Variants in FAM135A observed in about 807,000 individuals in gnomAD.
FAM135A encodes family with sequence similarity 135 member A, also known as protein FAM135A.
In FAM135A, 79 loss-of-function variants were observed where a neutral mutation model predicts 146.8. That is an observed-to-expected ratio of 0.54 (90% CI 0.45 to 0.65). FAM135A has a LOEUF of 0.65. FAM135A is among the 30% of genes least tolerant of loss of function. The pLI is 0.00. For synonymous variants in FAM135A, 562 were observed against 603.6 expected (o/e 0.93, Z 1.01); for missense variants, 1,623 against 1,758.2 (o/e 0.92, Z 1.38).
chr6:70,555,116 G>A (rs1800583559), intron 20 of FAM135A, among the ~76,000 whole-genome samples: 1 of 152,030 alleles, frequency 6.6e-6, no homozygotes, highest in Non-Finnish European at 1.5e-5. Flanking sequence ...TGGTTTTCCA[G>A]AGACTTTTAT....
At position 70,502,947 on chromosome 6, in the gene FAM135A, T is replaced by C. The variant is rs1052294925; in HGVS notation, c.1029+156T>C. On this transcript the variant is annotated intron_variant, in intron 12 of 21. Transcript: ENST00000418814. ...ATTGTTTGACTTCCAAAATTAATAA[T>C]AGAATAGAACAATACAGTTAAGCAT... The C allele has an allele frequency of 6.6e-6, 5 of 757,044 alleles. No homozygotes were observed. The Middle Eastern group carries it at 1.2e-3, about 184-fold the overall frequency. 46.9% of individuals were successfully genotyped at this position (757,044 alleles called of 1,614,324 possible). A position where few individuals can be genotyped will look rare whatever the true frequency, so the allele number is the denominator to read the frequency against.
intron 4 of FAM135A, among the ~76,000 whole-genome samples, chr6:70,435,401 G>A (rs553436755): frequency 5.3e-5 from 8 of 151,958 alleles, no homozygotes; most frequent in South Asian, 2.1e-4. Context: ...GACCGCACCC[G>A]GCCTAGAAAT....
intron 17 of FAM135A, 69 bp from the exon 18 acceptor site, chr6:70,533,688 A>T: frequency 1.1e-6 from 1 of 916,016 alleles, no homozygotes; most frequent in African/African-American, 1.7e-5. Context: ...AAAAATGTTT[A>T]TATTGTTAGT....
intron 4 of FAM135A, among the ~76,000 whole-genome samples, chr6:70,433,722 TTTAATTGAATTAGAAAATTG>T: frequency 6.6e-6 from 1 of 152,272 alleles, no homozygotes; most frequent in Admixed American, 6.5e-5. Flanking sequence ...AACTCTTAGC[TTTAATTGAATTAGAAAATTG>T]TATTTTTGCT....
intron 20 of FAM135A, among the ~76,000 whole-genome samples, chr6:70,555,436 A>G (rs949459278): frequency 6.6e-6 from 1 of 151,946 alleles, no homozygotes; most frequent in Non-Finnish European, 1.5e-5. Flanking sequence ...TAATTTTCGT[A>G]GAGACAGGAT....
chr6:70,537,691 C>T (rs1320475011), intron 19 of FAM135A, among the ~76,000 whole-genome samples: 1 of 152,116 alleles, frequency 6.6e-6, no homozygotes, highest in Admixed American at 6.5e-5. Flanking sequence ...AAGAATATTT[C>T]ATAGTCTTGA....
intron 11 of FAM135A, among the ~76,000 whole-genome samples, chr6:70,495,787 A>T (rs1787094507): frequency 6.6e-6 from 1 of 151,970 alleles, no homozygotes; most frequent in South Asian, 2.1e-4. Flanking sequence ...TCCTTCCCCT[A>T]GCCCCTCACC....
At chr6:70,482,438 A>G (rs918573903) in intron 10 of FAM135A, among the ~76,000 whole-genome samples, 2 of 152,166 alleles carry the variant, frequency 1.3e-5, no homozygotes, top group Non-Finnish European at 2.9e-5. Context: ...ACCCAAAAAC[A>G]TGTTAGAAAG....
At chr6:70,549,935 G>T (rs1341896777) in intron 20 of FAM135A, among the ~76,000 whole-genome samples, 1 of 152,104 alleles carries the variant, frequency 6.6e-6, no homozygotes, top group African/African-American at 2.4e-5. Context: ...CAAGTCTTTT[G>T]TTGTCATTTC....
intron 4 of FAM135A, among the ~76,000 whole-genome samples, chr6:70,446,073 A>T (rs991641704): frequency 6.6e-6 from 1 of 152,216 alleles, no homozygotes; most frequent in African/African-American, 2.4e-5. Flanking sequence ...ATCTGTCTGC[A>T]GCTCCTTCAA....
intron 16 of FAM135A, among the ~76,000 whole-genome samples, chr6:70,532,649 T>C (rs1171801984): frequency 6.6e-6 from 1 of 152,112 alleles, no homozygotes; most frequent in Non-Finnish European, 1.5e-5. Context: ...AAACAAACTG[T>C]TGGCCAGGCA....
At chr6:70,489,991 T>C (rs1416500297) in intron 10 of FAM135A, among the ~76,000 whole-genome samples, 2 of 152,178 alleles carry the variant, frequency 1.3e-5, no homozygotes, top group Non-Finnish European at 2.9e-5. Flanking sequence ...CCTTGCCTGC[T>C]CGTATCTGGC....
chr6:70,530,001 T>C (rs1196035672), intron 16 of FAM135A, among the ~76,000 whole-genome samples: 1 of 152,170 alleles, frequency 6.6e-6, no homozygotes, highest in Non-Finnish European at 1.5e-5. Context: ...GAGGCGGAGC[T>C]TGCGGTGAGC....
At chr6:70,494,750 A>G (rs1038484279) in intron 11 of FAM135A, among the ~76,000 whole-genome samples, 1 of 152,136 alleles carries the variant, frequency 6.6e-6, no homozygotes, top group Non-Finnish European at 1.5e-5. Flanking sequence ...CATGATCCCT[A>G]GGGAATAAAA....
intron 12 of FAM135A, among the ~76,000 whole-genome samples, chr6:70,507,056 A>C (rs1279720285): frequency 1.3e-5 from 2 of 152,106 alleles, no homozygotes; most frequent in Non-Finnish European, 2.9e-5. Context: ...TTTGTGGAAA[A>C]TTAGAATACC....
At chr6:70,513,252 G>A (rs1341114810) in intron 12 of FAM135A, 1 of 151,044 alleles carries the variant, frequency 6.6e-6, no homozygotes, top group African/African-American at 2.4e-5. Context: ...AGATTGTTTT[G>A]GCTATTCTAG....
intron 5 of FAM135A, among the ~76,000 whole-genome samples, chr6:70,472,225 C>T (rs1781758338): frequency 1.3e-5 from 2 of 152,148 alleles, no homozygotes; most frequent in South Asian, 4.1e-4. Flanking sequence ...TTTCTTCAGG[C>T]AGTGGATTCT....
At chr6:70,426,555 CT>C (rs1582012245) in intron 3 of FAM135A, 23 bp downstream of exon 3, 1 of 152,216 alleles carries the variant, frequency 6.6e-6, no homozygotes, top group East Asian at 1.9e-4. Flanking sequence ...CTTTTTTGCA[CT>C]TAATTCTTAA....
At chr6:70,536,444 T>A in intron 19 of FAM135A, 33 bp downstream of exon 19, 1 of 1,483,942 alleles carries the variant, frequency 6.7e-7, no homozygotes, top group Non-Finnish European at 9.0e-7. Context: ...ATTAAAAATA[T>A]GGAATAGGGA....
Sources: allele counts gnomAD v4.1 joint callset (sites outside exome capture counted in the v4.1 genomes callset), GRCh38; gene constraint gnomAD v4.1.1; transcripts MANE v1.5; gene names NCBI Gene and HGNC (gene_info 2026-07-23, HGNC 2026-07-21).